HIC2: variants seen among roughly 807,000 people sequenced by gnomAD.
The protein encoded by HIC2 is HIC ZBTB transcriptional repressor 2.
In HIC2, 2 loss-of-function variants were observed where a neutral mutation model predicts 39.5. That is an observed-to-expected ratio of 0.05 (90% confidence interval 0.02 to 0.16). HIC2 has a LOEUF of 0.16. Among genes scored for constraint, HIC2 ranks in the 10% least tolerant of loss-of-function variants. The probability of loss-of-function intolerance (pLI) is 1.00; values close to 1 mark genes in which losing one functional copy is unlikely to be tolerated. For missense variants in HIC2, 713 were observed against 863.5 expected, an observed-to-expected ratio of 0.83 and a Z score of 2.18; for synonymous variants, 399 against 368.8, an observed-to-expected ratio of 1.08 and a Z score of -0.94.
At chr22:21,438,285 G>A (rs1179048413) in intron 1 of HIC2, among the ~76,000 whole-genome samples, 1 of 151,176 alleles carries the variant, frequency 6.6e-6, no homozygotes, top group Non-Finnish European at 1.5e-5. Context: ...GAGCCATGTG[G>A]AGGCCCAGCA....
rs757404542 is a variant in HIC2 at position 21,445,215 on chromosome 22, C to CCAG, written c.322_324dup (p.Ser108dup). 1 of 1,613,850 alleles carries CCAG rather than the reference C, an allele frequency of 6.2e-7. No homozygotes were observed. Among genetic ancestry groups the CCAG allele is most frequent in the Non-Finnish European group, 8.5e-7 (1 of 1,180,036 alleles). On this transcript the variant is annotated inframe_insertion, in exon 3 of 3. Transcript: ENST00000407464. Reference sequence around the variant, plus strand: ...TTCATCTACACAGGCAAGCTGCTGCCCAGCGACCAGCCAGCCGAGCCCAAC... The same window carrying CCAG: ...TTCATCTACACAGGCAAGCTGCTGCCCAGCAGCGACCAGCCAGCCGAGCCCAAC...
chr22:21,443,348 C>T (rs910340119), intron 2 of HIC2, among the ~76,000 whole-genome samples: 14 of 152,204 alleles, frequency 9.2e-5, no homozygotes, highest in Non-Finnish European at 1.8e-4. Context: ...TGAGCTCTGG[C>T]ACCTTCAGGG....
chr22:21,445,561 C>G lies in HIC2; in HGVS notation c.666C>G (p.Gly222=). ...QGLGRAVCPA[G]GEAGLGGCSS... ...TGGGCCGGGCTGTCTGCCCAGCTGG[C>G]GGGGAGGCGGGTCTGGGGGGCTGCA... Residue 222 remains glycine (G), a synonymous_variant, in exon 3 of 3, where the codon GGC becomes GGG. Coordinates refer to ENST00000407464, the MANE Select transcript of HIC2 (RefSeq NM_015094.3). 6.3e-7 allele frequency: 1 copy of G among 1,592,874 alleles called. No homozygotes were observed. The highest frequency in any genetic ancestry group is 8.5e-7 in the Non-Finnish European group (1 of 1,171,516).
In HIC2 at chr22:21,445,813, G is replaced by A; in HGVS notation, c.918G>A (p.Met306Ile). 1 of 1,588,298 alleles carries A rather than the reference G, an allele frequency of 6.3e-7. No homozygotes were observed. The highest frequency in any genetic ancestry group is 8.6e-7 in the Non-Finnish European group (1 of 1,167,484). The change falls in exon 3 of 3, where the codon ATG becomes ATA. Residue 306 changes from methionine (M) to isoleucine (I), a missense_variant. Transcript: ENST00000407464. ...SELGGTPDEP[M>I]DLEGAEDNHL... The stretch of plus-strand genomic sequence containing the variant: ...TGGGGGGCACCCCTGATGAGCCCAT[G>A]GATCTGGAGGGGGCCGAGGACAACC...
rs1485001255 is a variant in HIC2, at chr22:21,446,731, C to A, written c.1836C>A (p.Thr612=). Residue 612 remains threonine (T), a synonymous_variant, in exon 3 of 3, where the codon ACC becomes ACA. Coordinates refer to ENST00000407464, the MANE Select transcript of HIC2 (RefSeq NM_015094.3). ...RNLISHLRMH[T]SPS is the part of the protein sequence containing the mutation. Reference sequence around the variant, plus strand: ...TCATCAGCCACCTGCGCATGCACACCTCCCCCTCCTAGAAGCCAAAGACCC... The same window carrying A: ...TCATCAGCCACCTGCGCATGCACACATCCCCCTCCTAGAAGCCAAAGACCC... 2 of 1,599,166 alleles carry A rather than the reference C, an allele frequency of 1.3e-6. No homozygotes were observed. The highest frequency in any genetic ancestry group is 1.7e-6 in the Non-Finnish European group (2 of 1,169,022).
chr22:21,444,048 G>GA (rs1413184468), intron 2 of HIC2, among the ~76,000 whole-genome samples: 1 of 152,166 alleles, frequency 6.6e-6, no homozygotes, highest in Non-Finnish European at 1.5e-5. Flanking sequence ...CACCCGCTCA[G>GA]AACCCCATGT....
chr22:21,430,795 C>T (rs1449369871), intron 1 of HIC2, among the ~76,000 whole-genome samples: 1 of 46,324 alleles, frequency 2.2e-5, no homozygotes, highest in Non-Finnish European at 3.6e-5. Context: ...CGCTTGAACC[C>T]GGGCAGCAGA....
Position 21,446,089 on chromosome 22 carries a change from G to A in HIC2, c.1194G>A (p.Glu398=), listed in dbSNP as rs773805476. 3.1e-6 allele frequency: 5 copies of A among 1,607,946 alleles called. No individual in the cohort carries two copies. The highest frequency in any genetic ancestry group is 1.3e-5 in the African/African-American group (1 of 75,050). ...YGEPPYPCKE[E]EENGKDASED... ...AGCCCCCCTACCCCTGCAAGGAGGA[G>A]GAGGAGAACGGCAAGGATGCAAGTG... is the stretch of plus-strand genomic sequence containing the variant. Residue 398 remains glutamate, a synonymous_variant, in exon 3 of 3, where the codon GAG becomes GAA. Coordinates refer to ENST00000407464, the MANE Select transcript of HIC2 (RefSeq NM_015094.3).
At chr22:21,444,651 C>T (rs1448509477) in intron 2 of HIC2, among the ~76,000 whole-genome samples, 3 of 152,244 alleles carry the variant, frequency 2.0e-5, no homozygotes, top group Non-Finnish European at 1.5e-5. Context: ...TTTGTCCCCT[C>T]ATCACCCTCC....
rs1371187349 is a variant in HIC2 at position 21,445,787 on chromosome 22, C to T, written c.892C>T (p.Leu298=). 7 of 1,601,276 alleles carry T rather than the reference C, an allele frequency of 4.4e-6. No individual in the cohort carries two copies. The highest frequency in any genetic ancestry group is 6.0e-6 in the Non-Finnish European group (7 of 1,173,950). The change falls in exon 3 of 3, where the codon CTG becomes TTG. Residue 298 remains leucine, a synonymous_variant. Coordinates refer to ENST00000407464, the MANE Select transcript of HIC2 (RefSeq NM_015094.3). ...PVANSASYSE[L]GGTPDEPMDL... ...TGCCAACAGTGCCTCTTATTCTGAG[C>T]TGGGGGGCACCCCTGATGAGCCCAT...
chr22:21,444,995 C>T lies in HIC2; in HGVS notation c.100C>T (p.Leu34=), dbSNP rs775861817. The T allele has an allele frequency of 3.7e-6, 6 of 1,613,948 alleles. No homozygotes were observed. In the Admixed American group the frequency reaches 5.0e-5, roughly 13 times the overall value. Reference sequence around the variant, plus strand: ...GCCCAGCCACTCGAAGCAGCTCCTGCTGCAGCTGAACCAGCAGAGGACCAA... The same window carrying T: ...GCCCAGCCACTCGAAGCAGCTCCTGTTGCAGCTGAACCAGCAGAGGACCAA... ...ELPSHSKQLL[L]QLNQQRTKGF... Residue 34 remains leucine (L), a synonymous_variant, in exon 3 of 3, where the codon CTG becomes TTG. Transcript: ENST00000407464.
Position 21,446,228 on chromosome 22 carries a change from A to G in HIC2, c.1333A>G (p.Ile445Val), listed in dbSNP as rs772937422. The change falls in exon 3 of 3, where the codon ATT becomes GTT. Residue 445 changes from isoleucine to valine, a missense_variant. Physicochemically the swap from Ile to Val is conservative, Grantham distance 29 (BLOSUM62 3). Coordinates refer to ENST00000407464, the MANE Select transcript of HIC2 (RefSeq NM_015094.3). ...CTACGGGGACAACTTGTATGTGTGC[A>G]TTCCCTGCGCCAAGGGCTTCCCCAG... ...VSYGDNLYVC[I>V]PCAKGFPSSE... is the part of the protein sequence containing the mutation. 8 of 1,612,736 alleles carry G rather than the reference A, an allele frequency of 5.0e-6. No homozygotes were observed. The highest frequency in any genetic ancestry group is 6.8e-6 in the Non-Finnish European group (8 of 1,180,020).
chr22:21,425,765 T>G (rs1302516121), intron 1 of HIC2, among the ~76,000 whole-genome samples: 1 of 142,952 alleles, frequency 7.0e-6, no homozygotes, highest in Admixed American at 7.0e-5. Flanking sequence ...CAGGCTGGAG[T>G]GCAGTGGTGG....
chr22:21,444,877 A>G (rs1257230033), intron 2 of HIC2, 45 bp from the exon 3 acceptor site: 2 of 1,572,086 alleles, frequency 1.3e-6, no homozygotes, highest in Non-Finnish European at 1.7e-6. Flanking sequence ...CCCTGGTCCG[A>G]GTGTGCCAGT....
At position 21,426,562 on chromosome 22, in the gene HIC2, G is replaced by A. The variant is rs1176643754; in HGVS notation, c.-74+9002G>A. Among the ~76,000 whole-genome samples, 8 of 137,104 alleles carry A rather than the reference G, an allele frequency of 5.8e-5. No homozygotes were observed. In the East Asian group the frequency reaches 7.9e-4, roughly 13 times the overall value. The allele number at this position is 137,104 out of a possible 152,430, so 89.9% of individuals were successfully genotyped here. A position where few individuals can be genotyped will look rare whatever the true frequency, so the allele number is the denominator to read the frequency against. ...TGGGTCACTGCAACCTCTGCTTCCC[G>A]GGTTCAAGCAATTCTATTGCCTCAG... On this transcript the variant is annotated intron_variant, in intron 1 of 2. Coordinates refer to ENST00000407464, the MANE Select transcript of HIC2 (RefSeq NM_015094.3).
intron 1 of HIC2, among the ~76,000 whole-genome samples, chr22:21,425,596 C>T (rs1923207531): frequency 1.2e-5 from 1 of 80,736 alleles, no homozygotes; most frequent in African/African-American, 4.6e-5. Flanking sequence ...GGCTGGAGTG[C>T]AGTGGTGCGA....
At position 21,446,626 on chromosome 22, in the gene HIC2, G is replaced by A. The variant is rs748652423; in HGVS notation, c.1731G>A (p.Thr577=). 41 of 1,613,642 alleles carry A rather than the reference G, an allele frequency of 2.5e-5. No homozygotes were observed. The highest frequency in any genetic ancestry group is 4.5e-5 in the East Asian group (2 of 44,884). Residue 577 remains threonine, a synonymous_variant, in exon 3 of 3, where the codon ACG becomes ACA. Coordinates refer to ENST00000407464, the MANE Select transcript of HIC2 (RefSeq NM_015094.3). ...GCTTCACCCGTCAGTACCGCCTCAC[G>A]GAGCACATGCGTGTGCACTCGGGCG... ...GMRFTRQYRL[T]EHMRVHSGEK...
chr22:21,443,502 G>A (rs1380413496), intron 2 of HIC2, among the ~76,000 whole-genome samples: 4 of 152,168 alleles, frequency 2.6e-5, no homozygotes, highest in Admixed American at 6.5e-5. Context: ...CACTCTGGGA[G>A]GGGCAGTAGA....
At chr22:21,443,534 G>C (rs1448180816) in intron 2 of HIC2, among the ~76,000 whole-genome samples, 1 of 151,476 alleles carries the variant, frequency 6.6e-6, no homozygotes, top group Non-Finnish European at 1.5e-5. Flanking sequence ...GGTGGGCTCA[G>C]AGTAGTTCAG....
Sources: gnomAD v4.1 joint callset for allele counts (sites outside exome capture counted in the v4.1 genomes callset) on GRCh38, gnomAD v4.1.1 for gene constraint, MANE v1.5 for transcripts, NCBI Gene and HGNC (gene_info 2026-07-23, HGNC 2026-07-21) for gene names.